ZFYVE9: variants seen among roughly 807,000 people sequenced by gnomAD.
The protein encoded by ZFYVE9 is zinc finger FYVE domain-containing protein 9.
In ZFYVE9, 43 loss-of-function variants were observed where a neutral mutation model predicts 126.7. That is an observed-to-expected ratio of 0.34 (90% CI 0.27 to 0.44). The LOEUF is 0.44. ZFYVE9 is among the 20% of genes least tolerant of loss of function. The pLI, the probability that ZFYVE9 is intolerant of heterozygous loss-of-function variation, is 1.00. For synonymous variants in ZFYVE9, 521 were observed against 597.4 expected, an observed-to-expected ratio of 0.87 and a Z score of 1.87; for missense variants, 1,476 against 1,697.0, an observed-to-expected ratio of 0.87 and a Z score of 2.29.
chr1:52,148,045 G>C (rs148753171), intron 1 of ZFYVE9, among the ~76,000 whole-genome samples: 208 of 151,976 alleles, frequency 1.4e-3, no homozygotes, highest in Middle Eastern at 0.014. Flanking sequence ...CTCCCAAAGT[G>C]CTGGGATTAC....
At chr1:52,257,131 T>G (rs919267640) in intron 4 of ZFYVE9, among the ~76,000 whole-genome samples, 4 of 152,210 alleles carry the variant, frequency 2.6e-5, no homozygotes, top group African/African-American at 9.7e-5. Flanking sequence ...GTTCACAGAT[T>G]TAGCAATAGG....
At chr1:52,204,790 C>T (rs573093254) in intron 1 of ZFYVE9, among the ~76,000 whole-genome samples, 131 of 152,268 alleles carry the variant, frequency 8.6e-4, no homozygotes, top group Admixed American at 2.2e-3. Context: ...TTCCCTTTCC[C>T]CTTTCCCTGC....
chr1:52,226,678 G>A (rs997508048), intron 2 of ZFYVE9, among the ~76,000 whole-genome samples: 8 of 152,298 alleles, frequency 5.3e-5, no homozygotes, highest in Middle Eastern at 3.4e-3. Flanking sequence ...GGTTCTCAGA[G>A]CACAACTTGG....
intron 17 of ZFYVE9, among the ~76,000 whole-genome samples, chr1:52,341,049 C>T (rs912198628): frequency 1.3e-5 from 2 of 151,924 alleles, no homozygotes; most frequent in Non-Finnish European, 2.9e-5. Flanking sequence ...GGAGAAACCC[C>T]GTCTCTACTA....
chr1:52,239,334 C>G lies in ZFYVE9; in HGVS notation c.1917C>G (p.Ile639Met), dbSNP rs201435974. The G allele has an allele frequency of 6.2e-7, 1 of 1,614,212 alleles. No individual in the cohort carries two copies. The highest frequency in any genetic ancestry group is 1.3e-5 in the African/African-American group (1 of 75,054). The change falls in exon 4 of 19, where the codon ATC becomes ATG. Residue 639 changes from isoleucine to methionine, a missense_variant. This residue lies in a region of ZFYVE9 where 807 missense variants were observed against 794.6 expected (regional missense o/e 1.02). Transcript: ENST00000287727. ...TATGCAGTCCATCTTTGGGAAACATCTCTAATGTCGATACAAATGGGGAAC... is the reference window on the plus strand; with the variant it reads ...TATGCAGTCCATCTTTGGGAAACATGTCTAATGTCGATACAAATGGGGAAC... The part of the protein sequence containing the change: ...TNVCSPSLGN[I>M]SNVDTNGEHL...
chr1:52,149,397 A>G (rs572003939), intron 1 of ZFYVE9, among the ~76,000 whole-genome samples: 1 of 152,088 alleles, frequency 6.6e-6, no homozygotes, highest in South Asian at 2.1e-4. Flanking sequence ...CCTGGGCAAT[A>G]TGAATATTTC....
At chr1:52,295,660 G>T (rs1278568932) in intron 11 of ZFYVE9, among the ~76,000 whole-genome samples, 1 of 152,056 alleles carries the variant, frequency 6.6e-6, no homozygotes, top group Non-Finnish European at 1.5e-5. Context: ...ACTATGCCTG[G>T]CTATTGTGTG....
chr1:52,224,465 T>G (rs1169990337), intron 2 of ZFYVE9, among the ~76,000 whole-genome samples: 1 of 152,104 alleles, frequency 6.6e-6, no homozygotes, highest in Non-Finnish European at 1.5e-5. Flanking sequence ...TTCTCATCCT[T>G]TAGGGGATAG....
At chr1:52,283,853 T>C (rs1645828171) in intron 10 of ZFYVE9, among the ~76,000 whole-genome samples, 1 of 152,140 alleles carries the variant, frequency 6.6e-6, no homozygotes. Context: ...TTATAATATA[T>C]AGATTATACC....
At chr1:52,343,207 C>T (rs1017205569) in intron 17 of ZFYVE9, among the ~76,000 whole-genome samples, 9 of 152,010 alleles carry the variant, frequency 5.9e-5, no homozygotes, top group Non-Finnish European at 1.0e-4. Flanking sequence ...CAGGCATGAG[C>T]CACCGTGCCC....
intron 1 of ZFYVE9, among the ~76,000 whole-genome samples, chr1:52,143,695 G>A (rs1334146817): frequency 6.6e-6 from 1 of 152,054 alleles, no homozygotes; most frequent in East Asian, 1.9e-4. Flanking sequence ...ATTTGTATAA[G>A]ACCTGTAAAA....
chr1:52,219,667 C>T (rs1645104182), intron 2 of ZFYVE9, among the ~76,000 whole-genome samples: 1 of 151,178 alleles, frequency 6.6e-6, no homozygotes, highest in South Asian at 2.1e-4. Context: ...TTTTTAGAAA[C>T]TGATCTTTTG....
At position 52,142,732 on chromosome 1, in the gene ZFYVE9, C is replaced by CT. The variant is rs1644271780; in HGVS notation, c.-143+330dup. Among the ~76,000 whole-genome samples the CT allele has an allele frequency of 7.2e-5, 11 of 152,184 alleles. No individual in the cohort carries two copies. Among genetic ancestry groups the CT allele is most frequent in the Admixed American group, 7.2e-4 (11 of 15,292 alleles). ...CGAGCGCAGCCTCTTAGCCCGGGCC[C>CT]TGCACGTACATCCCGGAGGGAGGCA... On this transcript the variant is annotated intron_variant, in intron 1 of 18. Coordinates refer to ENST00000287727, the MANE Select transcript of ZFYVE9 (RefSeq NM_004799.4). This position sits in a 1 kb window ranked among gnomAD's most constrained non-coding sequence, Gnocchi z 4.5.
chr1:52,292,221 T>G (rs1350999410), intron 10 of ZFYVE9, among the ~76,000 whole-genome samples: 7 of 145,712 alleles, frequency 4.8e-5, no homozygotes, highest in Non-Finnish European at 8.9e-5. Flanking sequence ...AGGCAGATGC[T>G]GCATTGAGCC....
chr1:52,324,295 CAAAA>C (rs1646270708), intron 13 of ZFYVE9, among the ~76,000 whole-genome samples: 1 of 151,812 alleles, frequency 6.6e-6, no homozygotes, highest in South Asian at 2.1e-4. Context: ...AAAAACAAAA[CAAAA>C]CAGATTGAAT....
chr1:52,181,800 C>G (rs1157853993), intron 1 of ZFYVE9, among the ~76,000 whole-genome samples: 1 of 151,866 alleles, frequency 6.6e-6, no homozygotes, highest in Non-Finnish European at 1.5e-5. Flanking sequence ...TGAGGAGCGT[C>G]TCTGGCTGGC....
chr1:52,178,209 G>A (rs1210721860), intron 1 of ZFYVE9, among the ~76,000 whole-genome samples: 1 of 148,524 alleles, frequency 6.7e-6, no homozygotes, highest in Non-Finnish European at 1.5e-5. Context: ...AACCTGGGAG[G>A]TGGAGCTTGC....
intron 1 of ZFYVE9, among the ~76,000 whole-genome samples, chr1:52,189,456 C>G (rs1644796872): frequency 6.6e-6 from 1 of 151,636 alleles, no homozygotes; most frequent in Non-Finnish European, 1.5e-5. Context: ...AGGCTGGTCT[C>G]TAACTCCTGA....
rs114758309 is a variant in ZFYVE9 at position 52,267,338 on chromosome 1, A to G, written c.2455+507A>G. Among the ~76,000 whole-genome samples the G allele has an allele frequency of 9.1e-3, 1,394 of 152,350 alleles. 15 individuals are homozygous for G. The highest frequency in any genetic ancestry group is 0.014 in the Admixed American group (220 of 15,298). The stretch of plus-strand genomic sequence containing the variant: ...TTAGGGACATAGACTTTAAATCTAG[A>G]ACTTTAATTCTGATTATATCATATG... On this transcript the variant is annotated intron_variant, in intron 6 of 18. Coordinates refer to ENST00000287727, the MANE Select transcript of ZFYVE9 (RefSeq NM_004799.4).
Sources: gnomAD v4.1 joint callset for allele counts (sites outside exome capture counted in the v4.1 genomes callset) on GRCh38, gnomAD v4.1.1 for gene constraint, gnomAD v4.1.1 regional missense constraint, Gnocchi (gnomAD v3.1) non-coding constraint, MANE v1.5 for transcripts, NCBI Gene and HGNC (gene_info 2026-07-23, HGNC 2026-07-21) for gene names.